Variants in CD9 observed in about 807,000 individuals in gnomAD.
CD9 encodes the protein CD9 antigen.
Under a neutral mutation model 31.4 loss-of-function variants are expected in CD9, and 10 were observed. The observed-to-expected ratio is 0.32, with a 90% CI of 0.20 to 0.54. CD9 has a LOEUF of 0.54. Ranked by LOEUF, CD9 falls within the 20% of genes least tolerant of loss-of-function variation. CD9 has a pLI of 0.94. For missense variants in CD9, 259 were observed against 300.1 expected (o/e 0.86, Z 1.01); for synonymous variants, 113 against 114.1 (o/e 0.99, Z 0.06).
intron 6 of CD9, chr12:6,235,972 C>T: frequency 7.1e-7 from 1 of 1,415,756 alleles, no homozygotes; most frequent in Non-Finnish European, 9.2e-7. Context: ...CCTCCTCCTT[C>T]CCTGACGTCC....
intron 2 of CD9, among the ~76,000 whole-genome samples, chr12:6,231,086 T>G (rs1157662474): frequency 6.6e-6 from 1 of 152,182 alleles, no homozygotes; most frequent in Non-Finnish European, 1.5e-5. Context: ...TGCTGTGTAT[T>G]GTGGGGAAAC....
chr12:6,233,432 G>T lies in CD9; in HGVS notation c.294G>T (p.Val98=). 2 of 1,614,114 alleles carry T rather than the reference G, an allele frequency of 1.2e-6. No homozygotes were observed. The highest frequency in any genetic ancestry group is 1.7e-6 in the Non-Finnish European group (2 of 1,179,954). The part of the protein sequence containing the change: ...MLGLFFGFLL[V]IFAIEIAAAI... ...TCCAGTTCTTCGGCTTCCTCTTGGT[G>T]ATATTCGCCATTGAAATAGCTGCGG... The change falls in exon 4 of 8, where the codon GTG becomes GTT. Residue 98 remains valine (V), a synonymous_variant. Coordinates refer to ENST00000009180, the MANE Select transcript of CD9 (RefSeq NM_001769.4).
chr12:6,225,830 C>T, intron 2 of CD9: 1 of 377,962 alleles, frequency 2.6e-6, no homozygotes, highest in Non-Finnish European at 4.8e-6. Flanking sequence ...GTTTACGAAC[C>T]TCTGTTCTCA....
intron 1 of CD9, among the ~76,000 whole-genome samples, chr12:6,215,482 T>C (rs770151493): frequency 1.2e-4 from 19 of 152,204 alleles, no homozygotes; most frequent in Non-Finnish European, 2.2e-4. Context: ...CGAATTTGCA[T>C]GTCCAGGTTC....
chr12:6,229,936 C>T (rs1946422371), intron 2 of CD9, among the ~76,000 whole-genome samples: 1 of 151,916 alleles, frequency 6.6e-6, no homozygotes, highest in South Asian at 2.1e-4. Flanking sequence ...TAACTTTTTC[C>T]ATGAGTCAGA....
At chr12:6,226,333 C>T (rs935087469) in intron 2 of CD9, 1 of 152,218 alleles carries the variant, frequency 6.6e-6, no homozygotes, top group African/African-American at 2.4e-5. Flanking sequence ...AATTCAGACT[C>T]TGCGGCTGTA....
intron 1 of CD9, among the ~76,000 whole-genome samples, chr12:6,224,734 T>C (rs1035031022): frequency 6.6e-6 from 1 of 152,140 alleles, no homozygotes; most frequent in African/African-American, 2.4e-5. Context: ...CTGGGGGGAC[T>C]TGGCAGGAGG....
chr12:6,200,429 TCCCGCCAGTCCCAGCTGCGCGCG>T lies in CD9; in HGVS notation c.-67_-45del. On this transcript the variant is annotated 5_prime_UTR_variant, in exon 1 of 8. Transcript: ENST00000009180. ...GCCTGCATCTGTATCCAGCGCCAGG[TCCCGCCAGTCCCAGCTGCGCGCG>T]CCCCCCAGTCCCGCACCCGTTCGGC... 2.0e-6 allele frequency: 2 copies of T among 986,214 alleles called. No homozygotes were observed. Among genetic ancestry groups the T allele is most frequent in the Non-Finnish European group, 3.3e-6 (2 of 613,838 alleles). 61.1% of individuals were successfully genotyped at this position (986,214 alleles called of 1,614,324 possible). A position where few individuals can be genotyped will look rare whatever the true frequency, so the allele number is the denominator to read the frequency against.
chr12:6,203,153 G>A (rs1210542881), intron 1 of CD9, among the ~76,000 whole-genome samples: 1 of 152,158 alleles, frequency 6.6e-6, no homozygotes, highest in African/African-American at 2.4e-5. Context: ...CTGTACTGAT[G>A]ATCAGGAAAC....
intron 1 of CD9, among the ~76,000 whole-genome samples, chr12:6,210,449 G>A (rs191935579): frequency 4.6e-5 from 7 of 152,306 alleles, no homozygotes; most frequent in South Asian, 2.1e-4. Context: ...AGGAAGCACC[G>A]GCTGTTTTTT....
chr12:6,216,553 G>A (rs140952795), intron 1 of CD9, among the ~76,000 whole-genome samples: 2 of 152,250 alleles, frequency 1.3e-5, no homozygotes, highest in Admixed American at 6.5e-5. Flanking sequence ...ATTTGCCCAC[G>A]GAAGCAGTTT....
chr12:6,225,278 G>A (rs1591973960), intron 1 of CD9, 148 bp from the exon 2 acceptor site: 6 of 624,370 alleles, frequency 9.6e-6, no homozygotes, highest in South Asian at 1.9e-5. Context: ...AACACACCCC[G>A]TAATGGCATC....
intron 7 of CD9, 177 bp downstream of exon 7, chr12:6,236,452 C>T: frequency 1.6e-6 from 1 of 619,806 alleles, no homozygotes; most frequent in African/African-American, 1.8e-5. Context: ...ATGTTCTGAT[C>T]AAAGCCTCTC....
intron 1 of CD9, among the ~76,000 whole-genome samples, chr12:6,214,568 C>T (rs559174528): frequency 6.6e-6 from 1 of 152,098 alleles, no homozygotes; most frequent in South Asian, 2.1e-4. Flanking sequence ...AGGCTGGTCT[C>T]CAACTCCTGA....
chr12:6,231,572 C>T (rs1411724229), intron 2 of CD9, among the ~76,000 whole-genome samples: 1 of 152,216 alleles, frequency 6.6e-6, no homozygotes, highest in African/African-American at 2.4e-5. Flanking sequence ...AAGAATAGAA[C>T]TGTGGGGTGG....
At chr12:6,223,591 G>A (rs947077574) in intron 1 of CD9, among the ~76,000 whole-genome samples, 1 of 132,980 alleles carries the variant, frequency 7.5e-6, no homozygotes, top group Non-Finnish European at 1.5e-5. Flanking sequence ...TCAGGGACCT[G>A]GGGGGGGACC....
rs547793169 is a variant in CD9 at position 6,205,160 on chromosome 12, T to C, written c.66+4595T>C. Among the ~76,000 whole-genome samples the C allele has an allele frequency of 1.2e-3, 184 of 152,340 alleles. 4 individuals carry two copies. In the South Asian group the frequency reaches 0.031, roughly 26 times the overall value. On this transcript the variant is annotated intron_variant, in intron 1 of 7. Transcript: ENST00000009180. ...CCTCCAGTGCCCAGACAGCCTGCGCTGGGGTGAAGCTGGCTACACGTGCAC... is the reference window on the plus strand; with the variant it reads ...CCTCCAGTGCCCAGACAGCCTGCGCCGGGGTGAAGCTGGCTACACGTGCAC...
rs993617317 is a variant in CD9 at position 6,200,451 on chromosome 12, C to T, written c.-49C>T. The stretch of plus-strand genomic sequence containing the variant: ...AGGTCCCGCCAGTCCCAGCTGCGCG[C>T]GCCCCCCAGTCCCGCACCCGTTCGG... On this transcript the variant is annotated 5_prime_UTR_variant, in exon 1 of 8. Transcript: ENST00000009180. 4 of 1,269,484 alleles carry T rather than the reference C, an allele frequency of 3.2e-6. No individual in the cohort carries two copies. Among genetic ancestry groups the T allele is most frequent in the Non-Finnish European group, 4.6e-6 (4 of 870,006 alleles). 78.6% of individuals were successfully genotyped at this position (1,269,484 alleles called of 1,614,324 possible).
intron 1 of CD9, 78 bp downstream of exon 1, chr12:6,200,643 G>A: frequency 3.0e-6 from 3 of 996,080 alleles, no homozygotes; most frequent in East Asian, 2.6e-5. Flanking sequence ...GCGGCCGCGA[G>A]TGCCGGCAGC....
Sources: gnomAD v4.1 joint callset for allele counts (sites outside exome capture counted in the v4.1 genomes callset) on GRCh38, gnomAD v4.1.1 for gene constraint, MANE v1.5 for transcripts, NCBI Gene and HGNC (gene_info 2026-07-23, HGNC 2026-07-21) for gene names.